NRG3: variants seen among roughly 807,000 people sequenced by gnomAD.
The protein encoded by NRG3 is pro-neuregulin-3, membrane-bound isoform.
Under a neutral mutation model 66.9 loss-of-function variants are expected in NRG3, and 31 were observed. The ratio of observed to expected loss-of-function variants is 0.46; its 90% confidence interval spans 0.35 to 0.63. NRG3 has a LOEUF of 0.63. Among genes scored for constraint, NRG3 ranks in the 20% least tolerant of loss-of-function variants. NRG3 has a pLI of 0.00. For missense variants in NRG3, 910 were observed against 878.9 expected (o/e 1.04, Z -0.45); for synonymous variants, 393 against 359.4 (o/e 1.09, Z -1.06).
At chr10:81,891,703 A>G (rs1843024765) in intron 1 of NRG3, among the ~76,000 whole-genome samples, 1 of 152,316 alleles carries the variant, frequency 6.6e-6, no homozygotes, top group East Asian at 1.9e-4. Flanking sequence ...GGGAAAAGTA[A>G]TTAAGACACA....
chr10:82,293,506 A>C (rs1407276540), intron 1 of NRG3, among the ~76,000 whole-genome samples: 3 of 152,174 alleles, frequency 2.0e-5, no homozygotes, highest in African/African-American at 7.2e-5. Context: ...AAGAATGATA[A>C]AATTTCTCTG....
chr10:82,737,378 T>A (rs1039606853), intron 2 of NRG3, among the ~76,000 whole-genome samples: 1 of 152,202 alleles, frequency 6.6e-6, no homozygotes, highest in Non-Finnish European at 1.5e-5. Flanking sequence ...CCCCTTGCAA[T>A]AGACCTTATT....
At chr10:82,075,771 C>A (rs1025126133) in intron 1 of NRG3, among the ~76,000 whole-genome samples, 1 of 151,562 alleles carries the variant, frequency 6.6e-6, no homozygotes, top group Non-Finnish European at 1.5e-5. Flanking sequence ...TGGCCCTAGT[C>A]CAGCAGGAAA....
chr10:82,259,286 C>A (rs2077896583), intron 1 of NRG3, among the ~76,000 whole-genome samples: 2 of 152,104 alleles, frequency 1.3e-5, no homozygotes, highest in South Asian at 4.1e-4. Flanking sequence ...TTTGGAGATG[C>A]ACACTACAAT....
chr10:82,116,770 C>T (rs2114818), intron 1 of NRG3, among the ~76,000 whole-genome samples: 37,652 of 151,938 alleles, frequency 0.25, 6,087 homozygotes, highest in African/African-American at 0.46. Flanking sequence ...TGAAGAGAAC[C>T]CCAGTTCACC....
intron 1 of NRG3, among the ~76,000 whole-genome samples, chr10:82,309,162 A>G (rs2080895217): frequency 6.6e-6 from 1 of 152,224 alleles, no homozygotes; most frequent in Non-Finnish European, 1.5e-5. Context: ...CAAGCTCTGA[A>G]TAGAGAAGCT....
chr10:82,464,770 G>A (rs1840523665), intron 2 of NRG3, among the ~76,000 whole-genome samples: 1 of 152,192 alleles, frequency 6.6e-6, no homozygotes, highest in African/African-American at 2.4e-5. Context: ...ATCAGAAAAA[G>A]GGGGCTCAGA....
chr10:82,675,846 A>T (rs960920925), intron 2 of NRG3, among the ~76,000 whole-genome samples: 1 of 152,200 alleles, frequency 6.6e-6, no homozygotes, highest in Admixed American at 6.5e-5. Context: ...CTAGTACTCT[A>T]TCTGGGATGT....
intron 2 of NRG3, among the ~76,000 whole-genome samples, chr10:82,375,371 A>G (rs1478248373): frequency 6.6e-6 from 1 of 152,092 alleles, no homozygotes; most frequent in Non-Finnish European, 1.5e-5. Context: ...CCCCGTCTCT[A>G]TTAAAAATAC....
At chr10:82,699,755 C>T (rs2055706397) in intron 2 of NRG3, among the ~76,000 whole-genome samples, 1 of 151,886 alleles carries the variant, frequency 6.6e-6, no homozygotes, top group African/African-American at 2.4e-5. Flanking sequence ...GTCCATGGCC[C>T]CAGTAAGAAG....
At chr10:82,790,542 C>A (rs2060545221) in intron 3 of NRG3, among the ~76,000 whole-genome samples, 1 of 152,012 alleles carries the variant, frequency 6.6e-6, no homozygotes, top group African/African-American at 2.4e-5. Flanking sequence ...TATGATGGGT[C>A]TAAGTTATTA....
chr10:82,782,628 A>G (rs537655126), intron 3 of NRG3, among the ~76,000 whole-genome samples: 6 of 152,228 alleles, frequency 3.9e-5, no homozygotes, highest in African/African-American at 1.4e-4. Context: ...AAGAATTTGA[A>G]TGAGCAAGCT....
chr10:82,807,167 C>T (rs2061324317), intron 3 of NRG3, among the ~76,000 whole-genome samples: 1 of 152,082 alleles, frequency 6.6e-6, no homozygotes, highest in Non-Finnish European at 1.5e-5. Context: ...TAATCATGTT[C>T]TGCTTCTAAA....
intron 1 of NRG3, among the ~76,000 whole-genome samples, chr10:82,161,579 G>A (rs1446345787): frequency 6.6e-6 from 1 of 152,046 alleles, no homozygotes; most frequent in African/African-American, 2.4e-5. Context: ...GCTCTGAAAG[G>A]ATAAGTGAAT....
rs1312678261 is a variant in NRG3 at position 82,692,189 on chromosome 10, G to C, written c.954-46388G>C. 2.6e-5 allele frequency among the ~76,000 whole-genome samples: 4 copies of C among 151,082 alleles called. No individual in the cohort carries two copies. The South Asian group carries it at 6.3e-4, about 24-fold the overall frequency. ...AATCGCTTGAACCCAGGAGGCAGAG[G>C]TTGCAGTGAGCTGAGATTGCATCAC... On this transcript the variant is annotated intron_variant, in intron 2 of 8. Transcript: ENST00000372141.
At chr10:82,053,133 AT>A (rs34402920) in intron 1 of NRG3, among the ~76,000 whole-genome samples, 37,454 of 148,990 alleles carry the variant, frequency 0.25, 4,736 homozygotes, top group Middle Eastern at 0.34. Context: ...TCATTTGATT[AT>A]TTTTTTTTTT....
At chr10:82,662,768 C>T (rs955024821) in intron 2 of NRG3, among the ~76,000 whole-genome samples, 2 of 152,160 alleles carry the variant, frequency 1.3e-5, no homozygotes, top group Admixed American at 1.3e-4. Context: ...AAGTACATCT[C>T]TCCCTCAAAT....
intron 1 of NRG3, among the ~76,000 whole-genome samples, chr10:82,081,265 A>G (rs967357375): frequency 6.6e-6 from 1 of 152,204 alleles, no homozygotes; most frequent in Non-Finnish European, 1.5e-5. Context: ...AGAAGAATGG[A>G]GAGACACCCA....
chr10:82,483,187 T>G (rs1842422666), intron 2 of NRG3, among the ~76,000 whole-genome samples: 1 of 152,230 alleles, frequency 6.6e-6, no homozygotes, highest in Non-Finnish European at 1.5e-5. Context: ...GAGACCAGCC[T>G]GGCCTTTGCT....
Sources: allele counts gnomAD v4.1 joint callset (sites outside exome capture counted in the v4.1 genomes callset), GRCh38; gene constraint gnomAD v4.1.1; transcripts MANE v1.5; gene names NCBI Gene and HGNC (gene_info 2026-07-23, HGNC 2026-07-21).